CNTN3: variants seen among roughly 807,000 people sequenced by gnomAD.
CNTN3 encodes contactin 3, also known as contactin-3.
A neutral mutation model predicts 119.1 loss-of-function variants in CNTN3; 60 were observed. That is an observed-to-expected ratio of 0.50 (90% confidence interval 0.41 to 0.62). The LOEUF (loss-of-function observed/expected upper bound fraction) is 0.62, where lower values mean the gene tolerates loss of function less well. Ranked by LOEUF, CNTN3 falls within the 20% of genes least tolerant of loss-of-function variation. The pLI, the probability that CNTN3 is intolerant of heterozygous loss-of-function variation, is 0.00. For missense variants in CNTN3, 1,101 were observed against 1,242.4 expected (o/e 0.89, Z 1.71); for synonymous variants, 450 against 438.7 (o/e 1.03, Z -0.32).
At chr3:74,319,547 TA>T (rs564746268) in intron 13 of CNTN3, among the ~76,000 whole-genome samples, 543 of 152,166 alleles carry the variant, frequency 3.6e-3, no homozygotes, top group African/African-American at 0.012. Context: ...ATGTTAGACC[TA>T]AAACCATAAA....
At position 74,264,459 on chromosome 3, in the gene CNTN3, T is replaced by A. The variant is rs1269746290; in HGVS notation, c.3029A>T (p.His1010Leu). ...TATAGGCATATAACTTGACATAGGG[T>A]GGACATTCGAGATGGCTGAAGTGGA... The part of the protein sequence containing the change: ...RGSTSAISNV[H>L]PMSSYMPIVL... Residue 1010 changes from histidine (H) to leucine (L), a missense_variant, in exon 23 of 23, where the codon CAC (histidine) becomes CTC (leucine). His to Leu is a moderately conservative substitution (Grantham distance 99). Transcript: ENST00000263665. 6.2e-7 allele frequency: 1 copy of A among 1,612,422 alleles called. No individual in the cohort carries two copies. Among genetic ancestry groups the A allele is most frequent in the Non-Finnish European group, 8.5e-7 (1 of 1,178,876 alleles).
intron 20 of CNTN3, among the ~76,000 whole-genome samples, chr3:74,269,266 C>G (rs1408721735): frequency 6.6e-6 from 1 of 151,960 alleles, no homozygotes; most frequent in Admixed American, 6.6e-5. Flanking sequence ...GTGCTAGTTA[C>G]ATTTTTGGGC....
rs895068712 is a variant in CNTN3, at chr3:74,365,769, T to C, written c.947-67A>G. 174 of 1,515,832 alleles carry C rather than the reference T, an allele frequency of 1.1e-4. No individual in the cohort carries two copies. In the Middle Eastern group the frequency reaches 1.7e-3, roughly 15 times the overall value. 93.9% of individuals were successfully genotyped at this position (1,515,832 alleles called of 1,614,324 possible). On this transcript the variant is annotated intron_variant, in intron 8 of 22. Transcript: ENST00000263665. ...CCCAGCAAATAAAATGTATTTATTA[T>C]TTTATTATCTTACCTGGATTAATAG...
At chr3:74,555,860 C>T (rs760415708) in intron 1 of CNTN3, among the ~76,000 whole-genome samples, 4 of 152,100 alleles carry the variant, frequency 2.6e-5, no homozygotes, top group Non-Finnish European at 5.9e-5. Context: ...AAAAAACCAG[C>T]TCCTGGATTC....
intron 1 of CNTN3, among the ~76,000 whole-genome samples, chr3:74,529,717 A>T (rs1703667848): frequency 6.6e-6 from 1 of 152,018 alleles, no homozygotes; most frequent in African/African-American, 2.4e-5. Flanking sequence ...AATGTGAAAA[A>T]TCTGTAAACA....
At chr3:74,465,535 TC>T (rs1436436080) in intron 4 of CNTN3, among the ~76,000 whole-genome samples, 1 of 152,308 alleles carries the variant, frequency 6.6e-6, no homozygotes, top group Admixed American at 6.5e-5. Flanking sequence ...AATGGAAGAA[TC>T]TAGAAAGAAT....
intron 5 of CNTN3, among the ~76,000 whole-genome samples, chr3:74,383,187 T>C (rs1704664461): frequency 6.6e-6 from 1 of 152,214 alleles, no homozygotes; most frequent in Non-Finnish European, 1.5e-5. Context: ...CTGGAAATGA[T>C]GCTGTTTATG....
chr3:74,489,591 AT>A (rs774630260), intron 3 of CNTN3, among the ~76,000 whole-genome samples: 1 of 151,720 alleles, frequency 6.6e-6, no homozygotes, highest in African/African-American at 2.4e-5. Flanking sequence ...CATTTTTTAG[AT>A]TTTTTCCCCT....
At chr3:74,536,118 G>A (rs1703761597) in intron 1 of CNTN3, among the ~76,000 whole-genome samples, 1 of 152,048 alleles carries the variant, frequency 6.6e-6, no homozygotes, top group Non-Finnish European at 1.5e-5. Flanking sequence ...TCTCTGTTAT[G>A]TAAGAAGGTA....
chr3:74,382,442 T>C (rs1246948788), intron 5 of CNTN3, among the ~76,000 whole-genome samples: 4 of 152,154 alleles, frequency 2.6e-5, no homozygotes, highest in Non-Finnish European at 1.5e-5. Flanking sequence ...TACAGTTCCA[T>C]AGATCTCAAA....
At chr3:74,312,723 G>A (rs1019618820) in intron 13 of CNTN3, among the ~76,000 whole-genome samples, 1 of 151,986 alleles carries the variant, frequency 6.6e-6, no homozygotes, top group Admixed American at 6.6e-5. Flanking sequence ...CATTACTAGA[G>A]GCTTATTTGT....
intron 1 of CNTN3, among the ~76,000 whole-genome samples, chr3:74,545,308 T>A (rs1027610109): frequency 2.3e-4 from 35 of 152,202 alleles, no homozygotes; most frequent in African/African-American, 8.2e-4. Flanking sequence ...TCTTCAAAAC[T>A]GTCAAAATAA....
In CNTN3 at chr3:74,307,971, T is replaced by C. The variant is rs570999860; in HGVS notation, c.1669-5164A>G. On this transcript the variant is annotated intron_variant, in intron 13 of 22. Coordinates refer to ENST00000263665, the MANE Select transcript of CNTN3 (RefSeq NM_020872.3). ...CCTGTTATTGCAGTGCTTCCAATAT[T>C]AATCATTCATTCCTTCACTGGGTTG... 2.0e-5 allele frequency among the ~76,000 whole-genome samples: 3 copies of C among 152,330 alleles called. No homozygotes were observed. In the East Asian group the frequency reaches 5.8e-4, roughly 29 times the overall value.
At chr3:74,487,332 A>G (rs1702877289) in intron 3 of CNTN3, among the ~76,000 whole-genome samples, 1 of 152,164 alleles carries the variant, frequency 6.6e-6, no homozygotes, top group African/African-American at 2.4e-5. Context: ...TATGCTTGAC[A>G]TATCACAGTA....
intron 5 of CNTN3, among the ~76,000 whole-genome samples, chr3:74,399,911 G>A (rs544883502): frequency 6.6e-6 from 1 of 151,936 alleles, no homozygotes; most frequent in African/African-American, 2.4e-5. Context: ...TGTCTCTTGC[G>A]CTTCCTAGAC....
chr3:74,348,618 G>A (rs1202777885), intron 11 of CNTN3, among the ~76,000 whole-genome samples: 3 of 152,142 alleles, frequency 2.0e-5, no homozygotes, highest in African/African-American at 4.8e-5. Context: ...CTTCATGAGA[G>A]GAGAGACTGT....
intron 11 of CNTN3, among the ~76,000 whole-genome samples, chr3:74,344,868 T>C (rs1056328233): frequency 6.7e-6 from 1 of 148,846 alleles, no homozygotes; most frequent in African/African-American, 2.4e-5. Context: ...TGTATACGTA[T>C]ACACACACAC....
intron 4 of CNTN3, among the ~76,000 whole-genome samples, chr3:74,427,200 C>G (rs1240741335): frequency 6.6e-6 from 1 of 152,088 alleles, no homozygotes; most frequent in Admixed American, 6.6e-5. Flanking sequence ...CATCAGGAAG[C>G]AAAGAAAAAT....
At chr3:74,519,806 T>C (rs190074302) in intron 2 of CNTN3, among the ~76,000 whole-genome samples, 2 of 151,776 alleles carry the variant, frequency 1.3e-5, no homozygotes, top group East Asian at 3.9e-4. Context: ...TAGCAGTCAA[T>C]GAAAATGTTT....
Sources: gnomAD v4.1 joint callset for allele counts (sites outside exome capture counted in the v4.1 genomes callset) on GRCh38, gnomAD v4.1.1 for gene constraint, MANE v1.5 for transcripts, NCBI Gene and HGNC (gene_info 2026-07-23, HGNC 2026-07-21) for gene names.